The following C4BPA variants were observed in gnomAD, a reference collection of about 807,000 sequenced individuals.
C4BPA encodes the protein complement component 4 binding protein alpha, also known as C4b-binding protein alpha chain.
Under a neutral mutation model 63.7 loss-of-function variants are expected in C4BPA, and 31 were observed. The observed-to-expected ratio is 0.49, with a 90% confidence interval of 0.37 to 0.66. C4BPA has a LOEUF of 0.66. Among genes scored for constraint, C4BPA ranks in the 30% least tolerant of loss-of-function variants. The pLI, the probability that C4BPA is intolerant of heterozygous loss-of-function variation, is 0.00. For missense variants in C4BPA, 572 were observed against 723.3 expected (o/e 0.79, Z 2.40); for synonymous variants, 259 against 254.7 (o/e 1.02, Z -0.16).
At chr1:207,105,578 A>G (rs1032680547) in intron 1 of C4BPA, among the ~76,000 whole-genome samples, 3 of 151,482 alleles carry the variant, frequency 2.0e-5, no homozygotes, top group Non-Finnish European at 1.5e-5. Flanking sequence ...AAAAAAGAAA[A>G]AAAAAAGAGA....
At position 207,134,435 on chromosome 1, in the gene C4BPA, T is replaced by C. The variant is rs771749041; in HGVS notation, c.1116T>C (p.Asn372=). The stretch of plus-strand genomic sequence containing the variant: ...GTTGCCCTGAACCAAAGCTAAATAA[T>C]GGTGAAATCACTCAACACAGGAAAA... ...ALCCPEPKLN[N]GEITQHRKSR... Residue 372 remains asparagine (N), a synonymous_variant, in exon 9 of 12, where the codon AAT becomes AAC. Transcript: ENST00000367070. 4.3e-5 allele frequency: 69 copies of C among 1,613,654 alleles called. No individual in the cohort carries two copies. Among genetic ancestry groups the C allele is most frequent in the Non-Finnish European group, 4.9e-5 (58 of 1,179,794 alleles).
chr1:207,118,481 G>C (rs1031432168), intron 4 of C4BPA, among the ~76,000 whole-genome samples: 9 of 152,150 alleles, frequency 5.9e-5, no homozygotes, highest in African/African-American at 2.2e-4. Context: ...CATGGCGGCA[G>C]GGAGGAGAAG....
intron 9 of C4BPA, among the ~76,000 whole-genome samples, chr1:207,134,960 C>T (rs574110194): frequency 1.1e-4 from 16 of 152,198 alleles, no homozygotes; most frequent in Non-Finnish European, 1.6e-4. Context: ...CCTTCTTCTT[C>T]CTCAAACAGC....
chr1:207,130,457 C>T (rs957775137), intron 7 of C4BPA, among the ~76,000 whole-genome samples: 1 of 152,030 alleles, frequency 6.6e-6, no homozygotes, highest in African/African-American at 2.4e-5. Flanking sequence ...GGTATCTACC[C>T]AAGATAAATG....
Position 207,113,018 on chromosome 1 carries a change from A to T in C4BPA, c.-8A>T, listed in dbSNP as rs1440159095. The T allele has an allele frequency of 8.9e-6, 14 of 1,566,446 alleles. No individual in the cohort carries two copies. Among genetic ancestry groups the T allele is most frequent in the Non-Finnish European group, 1.1e-5 (13 of 1,164,558 alleles). ...TTCAGCAGAAAAACATCAGCGAAGCAGCAGGCCATGCACCCCCCAAAAACT... is the reference window on the plus strand; with the variant it reads ...TTCAGCAGAAAAACATCAGCGAAGCTGCAGGCCATGCACCCCCCAAAAACT... On this transcript the variant is annotated 5_prime_UTR_variant, in exon 2 of 12. Transcript: ENST00000367070.
At chr1:207,127,166 G>C in intron 7 of C4BPA, 1 of 252,868 alleles carries the variant, frequency 4.0e-6, no homozygotes, top group Non-Finnish European at 7.4e-6. Flanking sequence ...TAGATACTAT[G>C]GATTTGTATA....
At chr1:207,131,162 T>C (rs981360322) in intron 7 of C4BPA, among the ~76,000 whole-genome samples, 7 of 152,190 alleles carry the variant, frequency 4.6e-5, no homozygotes, top group Admixed American at 4.6e-4. Context: ...ATCATCTGGA[T>C]GAGGGGAACG....
At chr1:207,108,815 C>T (rs1489528879) in intron 1 of C4BPA, among the ~76,000 whole-genome samples, 2 of 151,836 alleles carry the variant, frequency 1.3e-5, no homozygotes, top group Admixed American at 6.6e-5. Context: ...CTTTGCCTCC[C>T]GGGTTCAAGC....
intron 4 of C4BPA, among the ~76,000 whole-genome samples, chr1:207,121,056 C>G (rs1001809957): frequency 6.6e-6 from 1 of 152,190 alleles, no homozygotes; most frequent in Non-Finnish European, 1.5e-5. Context: ...GATTCTCTTG[C>G]CCCGGTCTTC....
intron 7 of C4BPA, among the ~76,000 whole-genome samples, chr1:207,128,899 A>G (rs1685104050): frequency 6.6e-6 from 1 of 152,218 alleles, no homozygotes; most frequent in Non-Finnish European, 1.5e-5. Flanking sequence ...GAAACAGGAA[A>G]GAGTGACCCA....
chr1:207,125,004 A>G (rs930365873), intron 6 of C4BPA, among the ~76,000 whole-genome samples: 1 of 152,264 alleles, frequency 6.6e-6, no homozygotes, highest in Non-Finnish European at 1.5e-5. Context: ...TGAGTGCCAG[A>G]AGGGCAACAG....
intron 7 of C4BPA, among the ~76,000 whole-genome samples, chr1:207,128,190 G>A (rs947035022): frequency 9.2e-5 from 14 of 152,266 alleles, no homozygotes; most frequent in Middle Eastern, 3.4e-3. Context: ...ACTATTATGG[G>A]TAGGTTGACA....
At chr1:207,107,968 G>A (rs1684592660) in intron 1 of C4BPA, among the ~76,000 whole-genome samples, 1 of 152,162 alleles carries the variant, frequency 6.6e-6, no homozygotes, top group Non-Finnish European at 1.5e-5. Flanking sequence ...GAGGCTGGGT[G>A]GAGATTGTCA....
chr1:207,123,908 T>A lies in C4BPA; in HGVS notation c.429-14T>A. The A allele has an allele frequency of 6.6e-7, 1 of 1,517,752 alleles. No individual in the cohort carries two copies. Among genetic ancestry groups the A allele is most frequent in the Non-Finnish European group, 9.1e-7 (1 of 1,096,484 alleles). The allele number at this position is 1,517,752 out of a possible 1,614,324, so 94.0% of individuals were successfully genotyped here. On this transcript the variant is annotated splice_polypyrimidine_tract_variant and intron_variant, in intron 4 of 11. Coordinates refer to ENST00000367070, the MANE Select transcript of C4BPA (RefSeq NM_000715.4). ...GGAGGAATTCCATTAAAATCTTTGATCTATCTTATTCAGATTTTTCTTAAT... is the reference window on the plus strand; with the variant it reads ...GGAGGAATTCCATTAAAATCTTTGAACTATCTTATTCAGATTTTTCTTAAT...
intron 8 of C4BPA, 122 bp downstream of exon 8, chr1:207,131,862 A>T: frequency 4.4e-6 from 3 of 679,084 alleles, no homozygotes; most frequent in South Asian, 2.1e-5. Flanking sequence ...AATTCAACAG[A>T]TTAGTAAACT....
At chr1:207,142,082 C>A (rs1285251280) in intron 10 of C4BPA, among the ~76,000 whole-genome samples, 1 of 150,538 alleles carries the variant, frequency 6.6e-6, no homozygotes, top group African/African-American at 2.5e-5. Flanking sequence ...CCCCCACCCC[C>A]CGACAGGCCC....
rs191585619 is a variant in C4BPA, at chr1:207,124,651, G to A, written c.706+285G>A. 4.4e-4 allele frequency among the ~76,000 whole-genome samples: 67 copies of A among 152,300 alleles called. 1 individual carries two copies. The highest frequency in any genetic ancestry group is 1.5e-3 in the African/African-American group (63 of 41,572). The stretch of plus-strand genomic sequence containing the variant: ...AAAAGTTTATTCTCATTTACACTGA[G>A]TTTGTTCCATGTCCAGGAGACTCTC... On this transcript the variant is annotated intron_variant, in intron 6 of 11. Coordinates refer to ENST00000367070, the MANE Select transcript of C4BPA (RefSeq NM_000715.4).
rs767574560 is a variant in C4BPA, at chr1:207,131,603, C to T, written c.947C>T (p.Pro316Leu). ...GCTTCCTGGGAAACATATCCTAGGCCGACAAAAGAGGATGTGTATGTTGTT... is the reference window on the plus strand; with the variant it reads ...GCTTCCTGGGAAACATATCCTAGGCTGACAAAAGAGGATGTGTATGTTGTT... ...PHASWETYPR[P>L]TKEDVYVVGT... The change falls in exon 8 of 12, where the codon CCG (proline) becomes CTG (leucine). Residue 316 changes from proline to leucine, a missense_variant. Pro to Leu is a moderately conservative substitution (Grantham distance 98). Transcript: ENST00000367070. The T allele has an allele frequency of 1.3e-5, 21 of 1,612,808 alleles. No individual in the cohort carries two copies. Among genetic ancestry groups the T allele is most frequent in the African/African-American group, 1.1e-4 (8 of 74,798 alleles).
intron 7 of C4BPA, among the ~76,000 whole-genome samples, chr1:207,129,412 C>CAA (rs71640104): frequency 0.19 from 25,704 of 136,782 alleles, 3,566 homozygotes; most frequent in African/African-American, 0.39. Flanking sequence ...CAAATTTGAC[C>CAA]AAAAAAAAAA....
Sources: allele counts gnomAD v4.1 joint callset (sites outside exome capture counted in the v4.1 genomes callset), GRCh38; gene constraint gnomAD v4.1.1; transcripts MANE v1.5; gene names NCBI Gene and HGNC (gene_info 2026-07-23, HGNC 2026-07-21).